PPFIA1: variants seen among roughly 807,000 people sequenced by gnomAD.
PPFIA1 encodes PPFI scaffold protein A1.
Under a neutral mutation model 149.9 loss-of-function variants are expected in PPFIA1, and 25 were observed. That is an observed-to-expected ratio of 0.17 (90% CI 0.12 to 0.23). PPFIA1 has a LOEUF of 0.23. Ranked by LOEUF, PPFIA1 falls within the 10% of genes least tolerant of loss-of-function variation. PPFIA1 has a pLI of 1.00. For missense variants in PPFIA1, 1,362 were observed against 1,506.5 expected (o/e 0.90, Z 1.59); for synonymous variants, 549 against 552.8 (o/e 0.99, Z 0.10).
rs767181650 is a variant in PPFIA1, at chr11:70,272,423, C to T, written c.251C>T (p.Thr84Met). Reference sequence around the variant, plus strand: ...GATTCCTTGCAGAGACAGCTCAACACGGCACTTCCACAGGTATGAGTGCTT... The same window carrying T: ...GATTCCTTGCAGAGACAGCTCAACATGGCACTTCCACAGGTATGAGTGCTT... Reference protein sequence around the residue: ...ERDSLQRQLNTALPQEFAALT... With the variant: ...ERDSLQRQLNMALPQEFAALT... The change falls in exon 2 of 28, where the codon ACG (threonine) becomes ATG (methionine). Residue 84 changes from threonine (T) to methionine (M), a missense_variant. By Grantham distance (81) the Thr-to-Met change is moderately conservative. Coordinates refer to ENST00000253925, the MANE Select transcript of PPFIA1 (RefSeq NM_003626.5). 46 of 1,612,622 alleles carry T rather than the reference C, an allele frequency of 2.9e-5. No homozygotes were observed. The highest frequency in any genetic ancestry group is 3.3e-4 in the Middle Eastern group (2 of 6,074).
intron 26 of PPFIA1, among the ~76,000 whole-genome samples, chr11:70,380,481 G>A (rs999908563): frequency 6.6e-6 from 1 of 152,108 alleles, no homozygotes. Context: ...GGAGGCTGGG[G>A]CAGGAGAATG....
At chr11:70,273,525 C>T (rs1269634500) in intron 2 of PPFIA1, among the ~76,000 whole-genome samples, 1 of 152,070 alleles carries the variant, frequency 6.6e-6, no homozygotes, top group Non-Finnish European at 1.5e-5. Flanking sequence ...CAGGTAGACC[C>T]GCATAAGCAC....
intron 8 of PPFIA1, 118 bp from the exon 9 acceptor site, chr11:70,331,840 CTG>C (rs1425306998): frequency 2.6e-6 from 3 of 1,143,638 alleles, no homozygotes; most frequent in Non-Finnish European, 3.6e-6. Context: ...ACTCCCATCA[CTG>C]TAGCTCTTCC....
At chr11:70,378,258 C>T in intron 26 of PPFIA1, 63 bp downstream of exon 26, 1 of 1,556,572 alleles carries the variant, frequency 6.4e-7, no homozygotes, top group Non-Finnish European at 8.7e-7. Flanking sequence ...CTGTCTGGAA[C>T]ATTAATAATG....
chr11:70,333,192 A>G, intron 9 of PPFIA1: 1 of 541,068 alleles, frequency 1.8e-6, no homozygotes, highest in South Asian at 1.6e-5. Context: ...GAGAATCACG[A>G]CTCCATTGAG....
At chr11:70,295,093 G>T (rs1392440316) in intron 2 of PPFIA1, among the ~76,000 whole-genome samples, 7 of 152,098 alleles carry the variant, frequency 4.6e-5, no homozygotes, top group Non-Finnish European at 7.4e-5. Flanking sequence ...CGGGGTGGTG[G>T]CCGGGCAGAG....
intron 14 of PPFIA1, among the ~76,000 whole-genome samples, chr11:70,343,421 G>C (rs140884702): frequency 5.9e-5 from 9 of 152,122 alleles, no homozygotes; most frequent in African/African-American, 1.4e-4. Flanking sequence ...TCCCAGTTGT[G>C]TATTTCGCCA....
rs111455193 is a variant in PPFIA1 at position 70,362,149 on chromosome 11, C to T, written c.2637C>T (p.Asp879=). ...AAGGTTTACCTTTTGCCCAATGGGA[C>T]GGGCCAACGGTTGTGGTCTGGCTAG... ...RRQGLPFAQW[D]GPTVVVWLEL... is the part of the protein sequence containing the mutation. Residue 879 remains aspartate (D), a synonymous_variant, in exon 20 of 28, where the codon GAC becomes GAT. Transcript: ENST00000253925. The T allele has an allele frequency of 5.3e-5, 86 of 1,614,172 alleles. No individual in the cohort carries two copies. The African/African-American group carries it at 6.9e-4, about 13-fold the overall frequency.
chr11:70,343,744 G>A lies in PPFIA1; in HGVS notation c.1783G>A (p.Glu595Lys), dbSNP rs756143204. The change falls in exon 15 of 28, where the codon GAG becomes AAG. Residue 595 changes from glutamate to lysine, a missense_variant. Around this residue, in one of 7 missense-constraint regions of PPFIA1, gnomAD observed 733 missense variants for 744.1 expected, o/e 0.99. Coordinates refer to ENST00000253925, the MANE Select transcript of PPFIA1 (RefSeq NM_003626.5). ...SVLANVAQAFESDADVSDGED... is the reference protein window; with the variant it reads ...SVLANVAQAFKSDADVSDGED... ...CTTGGCAAATGTAGCACAAGCATTC[G>A]AGAGTGATGCTGACGTGTCTGATGG... is the stretch of plus-strand genomic sequence containing the variant. 11 of 1,614,234 alleles carry A rather than the reference G, an allele frequency of 6.8e-6. No homozygotes were observed. Among genetic ancestry groups the A allele is most frequent in the South Asian group, 2.2e-5 (2 of 91,080 alleles).
In PPFIA1 at chr11:70,286,409, G is replaced by A. The variant is rs1046033489; in HGVS notation, c.264+13973G>A. The stretch of plus-strand genomic sequence containing the variant: ...TGGGACTACAGGCACATGCCACCGC[G>A]CCCTGCTAATTTTTGTATTTTTGTA... On this transcript the variant is annotated intron_variant, in intron 2 of 27. Transcript: ENST00000253925. Among the ~76,000 whole-genome samples the A allele has an allele frequency of 5.3e-5, 8 of 152,096 alleles. No homozygotes were observed. In the South Asian group the frequency reaches 1.0e-3, roughly 20 times the overall value.
intron 21 of PPFIA1, chr11:70,365,429 G>A (rs948650347): frequency 1.3e-5 from 6 of 456,410 alleles, no homozygotes; most frequent in African/African-American, 6.0e-5. Flanking sequence ...CAGCCACGCC[G>A]CAAACGGTTA....
At chr11:70,330,715 G>A (rs965673535) in intron 8 of PPFIA1, among the ~76,000 whole-genome samples, 4 of 152,152 alleles carry the variant, frequency 2.6e-5, no homozygotes, top group East Asian at 1.9e-4. Flanking sequence ...CTAACACTTC[G>A]GGAGGCTGAG....
intron 2 of PPFIA1, among the ~76,000 whole-genome samples, chr11:70,296,906 C>T (rs999783035): frequency 3.3e-5 from 5 of 152,200 alleles, no homozygotes; most frequent in East Asian, 1.9e-4. Flanking sequence ...CTTAGCTCTC[C>T]GCTGCTCACT....
intron 23 of PPFIA1, 41 bp from the exon 24 acceptor site, chr11:70,374,877 T>C (rs753441961): frequency 2.5e-6 from 4 of 1,591,642 alleles, no homozygotes; most frequent in African/African-American, 2.7e-5. Flanking sequence ...TAAAGATGGC[T>C]TTCTGAAGCC....
chr11:70,324,336 C>T, intron 2 of PPFIA1, 66 bp from the exon 3 acceptor site: 2 of 1,225,752 alleles, frequency 1.6e-6, no homozygotes, highest in Non-Finnish European at 2.3e-6. Flanking sequence ...GACTGTGGAG[C>T]CTTGATGAAA....
chr11:70,343,439 G>A (rs928292045), intron 14 of PPFIA1, among the ~76,000 whole-genome samples: 3 of 152,134 alleles, frequency 2.0e-5, no homozygotes, highest in African/African-American at 7.2e-5. Flanking sequence ...CCATGGAAAT[G>A]CCACATGTCC....
intron 2 of PPFIA1, among the ~76,000 whole-genome samples, chr11:70,281,341 G>A (rs962898581): frequency 3.9e-5 from 6 of 152,176 alleles, no homozygotes; most frequent in African/African-American, 1.4e-4. Flanking sequence ...GTCAGTAAGC[G>A]TCAGTTGAAG....
chr11:70,330,281 G>A lies in PPFIA1; in HGVS notation c.1039G>A (p.Glu347Lys), dbSNP rs759948657. 1.9e-6 allele frequency: 3 copies of A among 1,581,816 alleles called. No individual in the cohort carries two copies. The South Asian group carries it at 3.5e-5, about 19-fold the overall frequency. The change falls in exon 8 of 28, where the codon GAA becomes AAA. Residue 347 changes from glutamate (E) to lysine (K), a missense_variant. Physicochemically the swap from Glu to Lys is moderately conservative, Grantham distance 56 (BLOSUM62 1). Transcript: ENST00000253925. ...TSVHDLNDKL[E>K]NEIANKDSMH... The stretch of plus-strand genomic sequence containing the variant: ...TGTGCATGACCTCAATGATAAACTT[G>A]AAAATGAAATTGCAAATAAAGATTC...
intron 9 of PPFIA1, 39 bp downstream of exon 9, chr11:70,332,133 C>G: frequency 6.5e-7 from 1 of 1,549,226 alleles, no homozygotes; most frequent in East Asian, 2.3e-5. Context: ...GCTGCCAGGC[C>G]TGTGACTGTG....
Sources: gnomAD v4.1 joint callset for allele counts (sites outside exome capture counted in the v4.1 genomes callset) on GRCh38, gnomAD v4.1.1 for gene constraint, gnomAD v4.1.1 regional missense constraint, MANE v1.5 for transcripts, NCBI Gene and HGNC (gene_info 2026-07-23, HGNC 2026-07-21) for gene names.